The following TEX11 variants were observed in gnomAD, a reference collection of about 807,000 sequenced individuals.
TEX11 encodes the protein testis-expressed protein 11.
Under a neutral mutation model 84.4 loss-of-function variants are expected in TEX11, and 7 were observed. That is an observed-to-expected ratio of 0.08 (90% CI 0.05 to 0.16). TEX11 has a LOEUF of 0.16. Among genes scored for constraint, TEX11 ranks in the 10% least tolerant of loss-of-function variants. TEX11 has a pLI of 1.00. For synonymous variants in TEX11, 264 were observed against 222.8 expected (o/e 1.18, Z -1.64); for missense variants, 551 against 660.5 (o/e 0.83, Z 1.82).
At chrX:70,567,909 T>G (rs1603078396) in intron 25 of TEX11, among the ~76,000 whole-genome samples, 1 of 111,794 alleles carries the variant, frequency 8.9e-6, no homozygotes, top group Non-Finnish European at 1.9e-5. Flanking sequence ...GTTCTGTAGA[T>G]GTCTATTAGG....
At chrX:70,580,532 T>C (rs1224116439) in intron 25 of TEX11, among the ~76,000 whole-genome samples, 1 of 112,302 alleles carries the variant, frequency 8.9e-6, no homozygotes, top group Non-Finnish European at 1.9e-5. Flanking sequence ...ATGGCATGCC[T>C]GTATCAAAAT....
At chrX:70,805,393 T>C (rs902397237) in intron 9 of TEX11, among the ~76,000 whole-genome samples, 1 of 109,349 alleles carries the variant, frequency 9.1e-6, no homozygotes, top group Non-Finnish European at 1.9e-5. Context: ...TACTCCATGA[T>C]CCATTTTTTT....
At chrX:70,791,863 C>T (rs1347683287) in intron 9 of TEX11, among the ~76,000 whole-genome samples, 3 of 111,273 alleles carry the variant, frequency 2.7e-5, no homozygotes, top group African/African-American at 9.8e-5. Flanking sequence ...CAGTGGCTCA[C>T]GCCTGTAATC....
At position 70,554,641 on chromosome X, in the gene TEX11, T is replaced by C; in HGVS notation, c.2290+10A>G. The C allele has an allele frequency of 1.7e-6, 2 of 1,190,402 alleles. No homozygotes were observed. Among genetic ancestry groups the C allele is most frequent in the Middle Eastern group, 2.4e-4 (1 of 4,251 alleles). The stretch of plus-strand genomic sequence containing the variant: ...CACCAGCCTTACAAAAGCATAAATA[T>C]AGCTCTTACTTGCAATTGTTTCAAA... On this transcript the variant is annotated intron_variant, in intron 26 of 29. Transcript: ENST00000374333.
intron 17 of TEX11, among the ~76,000 whole-genome samples, chrX:70,644,512 G>A (rs2089713396): frequency 9.2e-6 from 1 of 108,898 alleles, no homozygotes; most frequent in South Asian, 4.1e-4. Flanking sequence ...GCAAAGGCTT[G>A]GAACCAACCC....
At chrX:70,536,237 T>A (rs966339546) in intron 28 of TEX11, among the ~76,000 whole-genome samples, 2 of 111,046 alleles carry the variant, frequency 1.8e-5, no homozygotes, top group African/African-American at 3.3e-5. Flanking sequence ...AGGTAGGCAC[T>A]TTTTTTAGCT....
At chrX:70,717,322 C>CTTT (rs1161423432) in intron 13 of TEX11, among the ~76,000 whole-genome samples, 1 of 102,206 alleles carries the variant, frequency 9.8e-6, no homozygotes. Flanking sequence ...ACTTTCTTTT[C>CTTT]TTTTTTTTTT....
At chrX:70,580,529 G>A (rs1347146918) in intron 25 of TEX11, among the ~76,000 whole-genome samples, 1 of 112,090 alleles carries the variant, frequency 8.9e-6, no homozygotes. Context: ...CGCATGGCAT[G>A]CCTGTATCAA....
chrX:70,839,928 G>T (rs1228187169), intron 7 of TEX11, among the ~76,000 whole-genome samples: 1 of 111,147 alleles, frequency 9.0e-6, no homozygotes, highest in African/African-American at 3.3e-5. Context: ...GAAGTTTAGA[G>T]AAAAAAGAAT....
At chrX:70,768,738 G>A (rs2090955945) in intron 9 of TEX11, among the ~76,000 whole-genome samples, 1 of 111,663 alleles carries the variant, frequency 9.0e-6, no homozygotes, top group African/African-American at 3.3e-5. Context: ...AATTCGAGAT[G>A]AGAGTTGGGT....
chrX:70,781,713 A>T, intron 9 of TEX11, among the ~76,000 whole-genome samples: 1 of 111,883 alleles, frequency 8.9e-6, no homozygotes, highest in Non-Finnish European at 1.9e-5. Context: ...AAGAGAGGGT[A>T]CCACTGATTG....
intron 18 of TEX11, among the ~76,000 whole-genome samples, chrX:70,626,983 G>A (rs2147556986): frequency 8.9e-6 from 1 of 112,269 alleles, no homozygotes; most frequent in South Asian, 3.7e-4. Context: ...TAAGGATAAT[G>A]TGGTGTCCTG....
At chrX:70,752,517 T>C (rs1287059154) in intron 9 of TEX11, among the ~76,000 whole-genome samples, 2 of 78,136 alleles carry the variant, frequency 2.6e-5, no homozygotes, top group South Asian at 1.5e-3. Context: ...AGAGCGATAC[T>C]CTGTCTCAAA....
intron 13 of TEX11, among the ~76,000 whole-genome samples, chrX:70,720,385 G>A (rs2090548259): frequency 9.0e-6 from 1 of 110,628 alleles, no homozygotes; most frequent in South Asian, 3.9e-4. Flanking sequence ...GGGAGAAGGG[G>A]GTAGGGATAG....
At chrX:70,804,966 G>A (rs967071015) in intron 9 of TEX11, among the ~76,000 whole-genome samples, 14 of 93,672 alleles carry the variant, frequency 1.5e-4, no homozygotes, top group African/African-American at 4.1e-4. Context: ...CATGGCACCA[G>A]CATCCTTTTT....
chrX:70,590,778 G>A (rs901365914), intron 25 of TEX11, among the ~76,000 whole-genome samples: 8 of 111,372 alleles, frequency 7.2e-5, no homozygotes, highest in Admixed American at 9.6e-5. Context: ...ACAGAGTTTC[G>A]CTCTTGTTGC....
intron 27 of TEX11, among the ~76,000 whole-genome samples, chrX:70,553,038 T>C (rs1331068563): frequency 8.9e-6 from 1 of 112,340 alleles, no homozygotes; most frequent in Non-Finnish European, 1.9e-5. Flanking sequence ...GAAAGAAAGG[T>C]ACTTAGCAGT....
chrX:70,809,433 G>A (rs1211562116), intron 8 of TEX11, among the ~76,000 whole-genome samples: 1 of 111,569 alleles, frequency 9.0e-6, no homozygotes, highest in Non-Finnish European at 1.9e-5. Context: ...ACTATATAGA[G>A]ATGATGGAGT....
intron 16 of TEX11, among the ~76,000 whole-genome samples, chrX:70,652,608 T>C (rs1205389580): frequency 2.7e-5 from 3 of 112,169 alleles, no homozygotes; most frequent in Non-Finnish European, 5.6e-5. Flanking sequence ...ACCTGTGCCA[T>C]ACCAGTTATT....
Sources: gnomAD v4.1 joint callset for allele counts (sites outside exome capture counted in the v4.1 genomes callset) on GRCh38, gnomAD v4.1.1 for gene constraint, MANE v1.5 for transcripts, NCBI Gene and HGNC (gene_info 2026-07-23, HGNC 2026-07-21) for gene names.